The following CPO variants were observed in gnomAD, a reference collection of about 807,000 sequenced individuals.
The protein encoded by CPO is metallocarboxypeptidase C.
CPO carries 43 observed loss-of-function variants against 41.2 expected under a neutral mutation model. That is an observed-to-expected ratio of 1.04 (90% CI 0.82 to 1.35). The LOEUF (loss-of-function observed/expected upper bound fraction) is 1.35. Among genes scored for constraint, CPO ranks in the 40% most tolerant of loss-of-function variants. The pLI is 0.00. For synonymous variants in CPO, 178 were observed against 162.7 expected, an observed-to-expected ratio of 1.09 and a Z score of -0.72; for missense variants, 408 against 451.7, an observed-to-expected ratio of 0.90 and a Z score of 0.88.
At chr2:206,940,095 T>C (rs894875747) in intron 1 of CPO, among the ~76,000 whole-genome samples, 1 of 152,124 alleles carries the variant, frequency 6.6e-6, no homozygotes, top group Non-Finnish European at 1.5e-5. Context: ...CCTGATTATG[T>C]ATGCAGCACT....
At chr2:206,949,275 A>T (rs895147818) in intron 1 of CPO, among the ~76,000 whole-genome samples, 16 of 152,346 alleles carry the variant, frequency 1.1e-4, no homozygotes, top group Non-Finnish European at 5.9e-5. Flanking sequence ...TGCTTAGAAC[A>T]GTGCATGTCT....
chr2:206,947,324 A>G (rs1319262263), intron 1 of CPO, among the ~76,000 whole-genome samples: 1 of 152,214 alleles, frequency 6.6e-6, no homozygotes, highest in Non-Finnish European at 1.5e-5. Context: ...TTCAGCAAAT[A>G]GTGCTGGAAC....
At chr2:206,939,705 T>A (rs1296989757) in intron 1 of CPO, 38 bp downstream of exon 1, 2 of 1,559,650 alleles carry the variant, frequency 1.3e-6, no homozygotes, top group Non-Finnish European at 1.8e-6. Flanking sequence ...ATTATTATAA[T>A]TTAGATTGTC....
intron 2 of CPO, among the ~76,000 whole-genome samples, chr2:206,953,351 C>A (rs749855240): frequency 2.6e-5 from 4 of 152,224 alleles, no homozygotes; most frequent in Non-Finnish European, 5.9e-5. Flanking sequence ...GGTAAATACA[C>A]CCATTCCAAA....
In CPO at chr2:206,958,358, G is replaced by A. The variant is rs781695956; in HGVS notation, c.325G>A (p.Ala109Thr). The A allele has an allele frequency of 1.2e-5, 19 of 1,601,478 alleles. No individual in the cohort carries two copies. The highest frequency in any genetic ancestry group is 4.6e-5 in the East Asian group (2 of 43,892). The change falls in exon 4 of 9, where the codon GCC becomes ACC. Residue 109 changes from alanine (A) to threonine (T), a missense_variant. Ala to Thr is a moderately conservative substitution (Grantham distance 58). Transcript: ENST00000272852. ...KIIWMDCGIH[A>T]REWIAPAFCQ... Reference sequence around the variant, plus strand: ...CATTTGGATGGACTGTGGAATTCACGCCAGAGAATGGATTGCTCCTGCTTT... The same window carrying A: ...CATTTGGATGGACTGTGGAATTCACACCAGAGAATGGATTGCTCCTGCTTT...
chr2:206,967,348 T>TATATAG lies in CPO; in HGVS notation c.778-912_778-911insTAGATA, dbSNP rs902422722. The stretch of plus-strand genomic sequence containing the variant: ...CTGAAATGCTATATATATATATATA[T>TATATAG]ATAGATATATAGATATAGATATAGA... On this transcript the variant is annotated intron_variant, in intron 7 of 8. Coordinates refer to ENST00000272852, the MANE Select transcript of CPO (RefSeq NM_173077.3). 1.6e-3 allele frequency among the ~76,000 whole-genome samples: 180 copies of TATATAG among 110,242 alleles called. 2 individuals are homozygous for TATATAG. Among genetic ancestry groups the TATATAG allele is most frequent in the African/African-American group, 6.6e-3 (171 of 25,734 alleles). 72.3% of individuals were successfully genotyped at this position (110,242 alleles called of 152,430 possible).
At chr2:206,957,337 C>T (rs1402075046) in intron 3 of CPO, among the ~76,000 whole-genome samples, 3 of 149,528 alleles carry the variant, frequency 2.0e-5, no homozygotes, top group Admixed American at 2.0e-4. Context: ...GATCATGCCA[C>T]AGCACTCCAG....
intron 2 of CPO, among the ~76,000 whole-genome samples, chr2:206,950,631 A>G (rs559213678): frequency 6.6e-6 from 1 of 152,372 alleles, no homozygotes; most frequent in South Asian, 2.1e-4. Context: ...ATGCACATGT[A>G]TGTTTATTGT....
At chr2:206,945,958 A>T (rs58680022) in intron 1 of CPO, among the ~76,000 whole-genome samples, 46,176 of 145,976 alleles carry the variant, frequency 0.32, 7,179 homozygotes, top group Middle Eastern at 0.36. Flanking sequence ...ATAAATATTT[A>T]AAAAAATTTT....
At chr2:206,958,738 T>G (rs544148973) in intron 4 of CPO, among the ~76,000 whole-genome samples, 44 of 141,596 alleles carry the variant, frequency 3.1e-4, no homozygotes, top group African/African-American at 1.0e-3. Flanking sequence ...GTTTTTTTTT[T>G]TTTTTTTTTT....
chr2:206,953,225 CA>C (rs1693298118), intron 2 of CPO, among the ~76,000 whole-genome samples: 2 of 152,198 alleles, frequency 1.3e-5, no homozygotes, highest in African/African-American at 4.8e-5. Flanking sequence ...AGCATTAACT[CA>C]AAAGTCCACA....
At chr2:206,961,536 G>A (rs111853388) in intron 6 of CPO, among the ~76,000 whole-genome samples, 15 of 152,256 alleles carry the variant, frequency 9.9e-5, no homozygotes, top group African/African-American at 3.4e-4. Flanking sequence ...TTATCAGTAG[G>A]TTGTTGTAGG....
In CPO at chr2:206,959,792, T is replaced by C. The variant is rs1375381567; in HGVS notation, c.483+51T>C. 4.9e-6 allele frequency: 4 copies of C among 809,150 alleles called. No homozygotes were observed. The East Asian group carries it at 9.8e-5, about 20-fold the overall frequency. The allele number at this position is 809,150 out of a possible 1,614,324, so 50.1% of individuals were successfully genotyped here. On this transcript the variant is annotated intron_variant, in intron 5 of 8. Transcript: ENST00000272852. The stretch of plus-strand genomic sequence containing the variant: ...GATGAGTTCATGAACTAAAGCTCAA[T>C]TCAGGTTAATTTTTCCAATGTTATC...
chr2:206,959,486 G>C (rs576314938), intron 4 of CPO, 145 bp from the exon 5 acceptor site: 14 of 581,534 alleles, frequency 2.4e-5, no homozygotes, highest in Non-Finnish European at 4.4e-5. Flanking sequence ...AACAACTACT[G>C]TAATAAGACA....
chr2:206,943,278 C>G (rs565496888), intron 1 of CPO, among the ~76,000 whole-genome samples: 2 of 152,186 alleles, frequency 1.3e-5, no homozygotes, highest in East Asian at 1.9e-4. Context: ...GTTGGGGAAG[C>G]ATTGTCAATA....
intron 7 of CPO, 116 bp downstream of exon 7, chr2:206,962,730 T>A: frequency 1.3e-6 from 1 of 774,426 alleles, no homozygotes; most frequent in South Asian, 1.7e-5. Flanking sequence ...TCTCTGCTTA[T>A]CCCTATATTC....
intron 7 of CPO, among the ~76,000 whole-genome samples, chr2:206,965,475 A>T (rs1460067275): frequency 6.6e-6 from 1 of 152,242 alleles, no homozygotes; most frequent in Non-Finnish European, 1.5e-5. Flanking sequence ...TACATGATAG[A>T]CAGCTTGGCA....
chr2:206,941,394 A>G (rs535207444), intron 1 of CPO, among the ~76,000 whole-genome samples: 1 of 152,112 alleles, frequency 6.6e-6, no homozygotes, highest in African/African-American at 2.4e-5. Context: ...ACTTTAAAAA[A>G]TAAAATAAAA....
intron 1 of CPO, among the ~76,000 whole-genome samples, chr2:206,945,513 G>A (rs530049102): frequency 9.9e-5 from 15 of 152,220 alleles, no homozygotes; most frequent in African/African-American, 2.4e-4. Context: ...TAGAATATTC[G>A]CTGTATGACT....
Sources: allele counts gnomAD v4.1 joint callset (sites outside exome capture counted in the v4.1 genomes callset), GRCh38; gene constraint gnomAD v4.1.1; transcripts MANE v1.5; gene names NCBI Gene and HGNC (gene_info 2026-07-23, HGNC 2026-07-21).